The following KLK15 variants were observed in gnomAD, a reference collection of about 807,000 sequenced individuals.
The protein encoded by KLK15 is kallikrein related peptidase 15, also known as kallikrein-15.
Under a neutral mutation model 21.1 loss-of-function variants are expected in KLK15, and 19 were observed. The ratio of observed to expected loss-of-function variants is 0.90; its 90% CI spans 0.63 to 1.32. KLK15 has a LOEUF of 1.32. KLK15 is among the 40% of genes most tolerant of loss of function. KLK15 has a pLI of 0.00. For synonymous variants in KLK15, 141 were observed against 141.5 expected, an observed-to-expected ratio of 1.00 and a Z score of 0.03; for missense variants, 345 against 348.6, an observed-to-expected ratio of 0.99 and a Z score of 0.08.
At chr19:50,831,572 C>T (rs1397040896), upstream of KLK15, 106 of 1,147,486 alleles carry the variant, frequency 9.2e-5, no homozygotes, top group Non-Finnish European at 1.2e-4. Flanking sequence ...CTTCTGCCTC[C>T]ACCAGGATCC....
At position 50,827,570 on chromosome 19, in the gene KLK15, A is replaced by C; in HGVS notation, c.197+92T>G. ...GCCTCCTCGTCTTTCAGAACCCAGG[A>C]GTTCTGGCGTCTGCCTCCGTCTTCC... On this transcript the variant is annotated intron_variant, in intron 2 of 4. Transcript: ENST00000598239. 2.2e-6 allele frequency: 3 copies of C among 1,334,186 alleles called. No homozygotes were observed. In the East Asian group the frequency reaches 7.2e-5, roughly 32 times the overall value. 82.6% of individuals were successfully genotyped at this position (1,334,186 alleles called of 1,614,324 possible).
exon 2 of KLK15, chr19:50,827,769 G>T: frequency 6.2e-7 from 1 of 1,611,046 alleles, no homozygotes; most frequent in South Asian, 1.1e-5. Flanking sequence ...GCTGGGAGTG[G>T]GGTGCACACT....
intron 1 of KLK15, chr19:50,831,127 G>A (rs1410786482): frequency 3.2e-5 from 8 of 253,162 alleles, no homozygotes; most frequent in East Asian, 1.4e-4. Context: ...GAAGGCATTC[G>A]AAGCCCAGAG....
chr19:50,828,916 C>T lies in KLK15; in HGVS notation c.44-1101G>A, dbSNP rs182198491. On this transcript the variant is annotated intron_variant, in intron 1 of 4. Transcript: ENST00000598239. ...CCCGGGAGGCGGAGATTGCAGTGAG[C>T]GGAGGTTGCTCCATTGCACTCCAGC... 1.6e-4 allele frequency among the ~76,000 whole-genome samples: 20 copies of T among 128,124 alleles called. No homozygotes were observed. In the East Asian group the frequency reaches 3.4e-3, roughly 21 times the overall value. The allele number at this position is 128,124 out of a possible 152,430, so 84.1% of individuals were successfully genotyped here.
upstream of KLK15, chr19:50,831,524 C>T (rs2123424723): frequency 6.9e-7 from 1 of 1,453,800 alleles, no homozygotes; most frequent in African/African-American, 1.5e-5. Context: ...CGGCTGCAGT[C>T]TGGGGAGGGA....
At chr19:50,829,317 G>C (rs1238666698) in intron 1 of KLK15, among the ~76,000 whole-genome samples, 1 of 151,762 alleles carries the variant, frequency 6.6e-6, no homozygotes, top group Non-Finnish European at 1.5e-5. Context: ...GTGTATGTGT[G>C]TGTGTGCATG....
intron 1 of KLK15, 83 bp downstream of exon 2, chr19:50,831,367 G>A: frequency 9.9e-7 from 1 of 1,012,212 alleles, no homozygotes; most frequent in Non-Finnish European, 1.4e-6. Flanking sequence ...TGAGGTAGGG[G>A]CTGGCAGATC....
downstream of KLK15, chr19:50,825,672 C>G (rs564136687): frequency 4.1e-6 from 4 of 971,222 alleles, no homozygotes; most frequent in African/African-American, 6.6e-5. Flanking sequence ...AAGTCCTTGG[C>G]TAACATCTGG....
At chr19:50,828,969 C>CAAAAAAAA (rs3078002) in intron 1 of KLK15, among the ~76,000 whole-genome samples, 16 of 56,658 alleles carry the variant, frequency 2.8e-4, no homozygotes, top group South Asian at 6.8e-4. Flanking sequence ...AACTCCATCT[C>CAAAAAAAA]AAAAAAAAAA....
intron 1 of KLK15, among the ~76,000 whole-genome samples, chr19:50,830,717 T>C (rs1364713207): frequency 2.0e-5 from 3 of 152,220 alleles, no homozygotes; most frequent in Non-Finnish European, 2.9e-5. Flanking sequence ...ATTAATTTCT[T>C]GGTGTGTGGC....
upstream of KLK15, among the ~76,000 whole-genome samples, chr19:50,831,714 C>G (rs1264865564): frequency 1.3e-4 from 20 of 152,166 alleles, no homozygotes; most frequent in Admixed American, 1.3e-3. Flanking sequence ...CCTCTAGGCA[C>G]TCGGACAGAC....
chr19:50,826,485 T>C, intron 4 of KLK15, 136 bp downstream of exon 5: 1 of 1,091,360 alleles, frequency 9.2e-7, no homozygotes, highest in Non-Finnish European at 1.3e-6. Context: ...CTATTCTAAC[T>C]TCTCTTCCTA....
intron 1 of KLK15, among the ~76,000 whole-genome samples, chr19:50,829,324 C>T (rs2089941951): frequency 6.6e-6 from 1 of 151,594 alleles, no homozygotes. Flanking sequence ...TGTGTGTGTG[C>T]ATGTGTGTAT....
At chr19:50,833,336 T>C (rs762849839), upstream of KLK15, 4 of 155,014 alleles carry the variant, frequency 2.6e-5, no homozygotes, top group Admixed American at 6.5e-5. Flanking sequence ...TCCCCACCAC[T>C]GCAGCTCCTT....
rs2089872517 is a variant in KLK15, at chr19:50,825,951, G to A, written c.619-3C>T. The stretch of plus-strand genomic sequence containing the variant: ...ACCAGGGGTCCCCCAGAGTCACCCT[G>A]TGGGGAAAAGAGGGGGTCTCAGGTT... On this transcript the variant is annotated splice_region_variant and splice_polypyrimidine_tract_variant and intron_variant, in intron 4 of 4. Transcript: ENST00000598239. The A allele has an allele frequency of 2.5e-6, 4 of 1,609,812 alleles. No individual in the cohort carries two copies. The highest frequency in any genetic ancestry group is 2.5e-6 in the Non-Finnish European group (3 of 1,177,444).
chr19:50,831,583 C>T (rs184352308), upstream of KLK15: 686 of 1,050,978 alleles, frequency 6.5e-4, 3 homozygotes, highest in African/African-American at 0.011. Flanking sequence ...ACCAGGATCC[C>T]TCCAGACACA....
intron 1 of KLK15, among the ~76,000 whole-genome samples, chr19:50,830,330 C>T (rs1241398930): frequency 6.6e-6 from 1 of 151,828 alleles, no homozygotes; most frequent in Non-Finnish European, 1.5e-5. Context: ...ATTTGCACAG[C>T]CAGACCAAAT....
In KLK15 at chr19:50,831,520, CA is replaced by C. The variant is rs1396808504; in HGVS notation, c.-29del. ...TGGAGGAGGGACCAGGGTTCGGCTGCAGTCTGGGGAGGGAGTGAGAGAATCC... is the reference window on the plus strand; with the variant it reads ...TGGAGGAGGGACCAGGGTTCGGCTGCGTCTGGGGAGGGAGTGAGAGAATCC... On this transcript the variant is annotated 5_prime_UTR_variant, in exon 1 of 5. Transcript: ENST00000598239. The C allele has an allele frequency of 3.4e-6, 5 of 1,456,386 alleles. No individual in the cohort carries two copies. The African/African-American group carries it at 6.0e-5, about 17-fold the overall frequency. The allele number at this position is 1,456,386 out of a possible 1,614,324, so 90.2% of individuals were successfully genotyped here. A position where few individuals can be genotyped will look rare whatever the true frequency, so the allele number is the denominator to read the frequency against.
intron 2 of KLK15, 97 bp downstream of exon 3, chr19:50,827,565 C>T: frequency 2.3e-6 from 3 of 1,309,356 alleles, no homozygotes; most frequent in South Asian, 1.4e-5. Flanking sequence ...CTTTCAGAAC[C>T]CAGGAGTTCT....
Sources: gnomAD v4.1 joint callset for allele counts (sites outside exome capture counted in the v4.1 genomes callset) on GRCh38, gnomAD v4.1.1 for gene constraint, MANE v1.5 for transcripts, NCBI Gene and HGNC (gene_info 2026-07-23, HGNC 2026-07-21) for gene names.